CD3E: variants seen among roughly 807,000 people sequenced by gnomAD.
CD3E encodes the protein CD3 epsilon subunit of T-cell receptor complex, also known as T-cell surface glycoprotein CD3 epsilon chain.
In CD3E, 16 loss-of-function variants were observed where a neutral mutation model predicts 34.7. That is an observed-to-expected ratio of 0.46 (90% CI 0.31 to 0.70). CD3E has a LOEUF of 0.70. Ranked by LOEUF, CD3E falls within the 30% of genes least tolerant of loss-of-function variation. The pLI, the probability that CD3E is intolerant of heterozygous loss-of-function variation, is 0.05. For synonymous variants in CD3E, 70 were observed against 90.8 expected (o/e 0.77, Z 1.30); for missense variants, 223 against 253.9 (o/e 0.88, Z 0.83).
chr11:118,313,186 C>T, intron 6 of CD3E: 1 of 405,848 alleles, frequency 2.5e-6, no homozygotes, highest in Non-Finnish European at 4.6e-6. Context: ...TCTAATGCTT[C>T]CTCCAGAGAT....
chr11:118,314,346 C>G, intron 7 of CD3E, 102 bp from the exon 8 acceptor site: 2 of 935,576 alleles, frequency 2.1e-6, no homozygotes, highest in Non-Finnish European at 1.7e-6. Context: ...GAGGAGAGAA[C>G]AATGGGGTTT....
chr11:118,308,558 T>G (rs1379964864), intron 4 of CD3E, 117 bp downstream of exon 4: 1 of 736,598 alleles, frequency 1.4e-6, no homozygotes, highest in South Asian at 1.5e-5. Context: ...AAAATACAAG[T>G]ATCTTTCAAT....
At chr11:118,309,090 G>A (rs1948122392) in intron 4 of CD3E, among the ~76,000 whole-genome samples, 1 of 152,198 alleles carries the variant, frequency 6.6e-6, no homozygotes, top group African/African-American at 2.4e-5. Flanking sequence ...GTCTAACTGA[G>A]CTAGATCAGA....
chr11:118,315,830 C>A lies in CD3E; in HGVS notation c.*288C>A. 1.8e-6 allele frequency: 1 copy of A among 555,470 alleles called. No homozygotes were observed. Among genetic ancestry groups the A allele is most frequent in the Non-Finnish European group, 3.2e-6 (1 of 310,020 alleles). The allele number at this position is 555,470 out of a possible 1,614,324, so 34.4% of individuals were successfully genotyped here. ...GATATTTATTTGTGCTATTCACTCC[C>A]TTCCCTTTGGATGTAACTTCTCCGT... On this transcript the variant is annotated 3_prime_UTR_variant, in exon 9 of 9. Coordinates refer to ENST00000361763, the MANE Select transcript of CD3E (RefSeq NM_000733.4).
At position 118,308,229 on chromosome 11, in the gene CD3E, T is replaced by A. The variant is rs535594733; in HGVS notation, c.71-198T>A. Among the ~76,000 whole-genome samples, 5 of 152,290 alleles carry A rather than the reference T, an allele frequency of 3.3e-5. No homozygotes were observed. The South Asian group carries it at 1.0e-3, about 32-fold the overall frequency. On this transcript the variant is annotated intron_variant, in intron 3 of 8. Transcript: ENST00000361763. ...TTCCGCCATGCTGCCTAATTTGTAG[T>A]GTCCTTAGGAGCCATTTTTGTAAAT...
In CD3E at chr11:118,304,964, C is replaced by A. The variant is rs997765159; in HGVS notation, c.12C>A (p.Gly4=). 1 of 1,613,994 alleles carries A rather than the reference C, an allele frequency of 6.2e-7. No individual in the cohort carries two copies. Among genetic ancestry groups the A allele is most frequent in the Non-Finnish European group, 8.5e-7 (1 of 1,179,860 alleles). The change falls in exon 2 of 9, where the codon GGC becomes GGA. Residue 4 remains glycine (G), a synonymous_variant. Transcript: ENST00000361763. ...CCCATGAAACAAAGATGCAGTCGGG[C>A]ACTCACTGGAGAGTTCTGGGCCTCT... is the stretch of plus-strand genomic sequence containing the variant. MQS[G]THWRVLGLCL...
intron 5 of CD3E, 101 bp from the exon 6 acceptor site, chr11:118,312,517 T>A (rs987643444): frequency 1.5e-6 from 2 of 1,353,786 alleles, no homozygotes; most frequent in Non-Finnish European, 2.1e-6. Flanking sequence ...AAGATCTAGA[T>A]GACAGATGAC....
chr11:118,304,862 T>A, intron 1 of CD3E, 32 bp from the exon 2 acceptor site: 1 of 1,135,988 alleles, frequency 8.8e-7, no homozygotes, highest in African/African-American at 1.5e-5. Flanking sequence ...GCAGATGTTT[T>A]GAAAAAGTCA....
intron 7 of CD3E, 142 bp from the exon 8 acceptor site, chr11:118,314,306 A>G (rs1345989145): frequency 8.3e-6 from 6 of 721,540 alleles, no homozygotes; most frequent in East Asian, 8.1e-5. Context: ...AAAAAAGAGA[A>G]AGGACGTCTG....
In CD3E at chr11:118,307,388, G is replaced by A. The variant is rs530895571; in HGVS notation, c.70+80G>A. 46 of 1,270,284 alleles carry A rather than the reference G, an allele frequency of 3.6e-5. No homozygotes were observed. The African/African-American group carries it at 5.7e-4, about 16-fold the overall frequency. The allele number at this position is 1,270,284 out of a possible 1,614,324, so 78.7% of individuals were successfully genotyped here. ...AGTTATGAATGGAGCTTTCTCTTAG[G>A]CCTCCCACAGAACTTCCACAGAGGT... On this transcript the variant is annotated intron_variant, in intron 3 of 8. Transcript: ENST00000361763.
chr11:118,310,605 A>G (rs1948130568), intron 4 of CD3E, among the ~76,000 whole-genome samples: 1 of 152,218 alleles, frequency 6.6e-6, no homozygotes, highest in Admixed American at 6.5e-5. Context: ...ATTTCTGTCT[A>G]AGCACAGACA....
At chr11:118,312,500 C>G in intron 5 of CD3E, 118 bp from the exon 6 acceptor site, 1 of 1,202,046 alleles carries the variant, frequency 8.3e-7, no homozygotes, top group South Asian at 1.3e-5. Flanking sequence ...TTCTGACAAG[C>G]AAGTCTAAGA....
intron 3 of CD3E, among the ~76,000 whole-genome samples, chr11:118,308,043 C>T (rs1170941788): frequency 2.6e-5 from 4 of 152,148 alleles, no homozygotes; most frequent in Non-Finnish European, 5.9e-5. Flanking sequence ...GTGGTGTACG[C>T]CTGTAGTCCT....
At chr11:118,307,350 C>A in intron 3 of CD3E, 42 bp downstream of exon 3, 1 of 1,567,204 alleles carries the variant, frequency 6.4e-7, no homozygotes, top group South Asian at 1.1e-5. Context: ...GAAATCACCC[C>A]ATCATTCTTT....
At chr11:118,308,358 C>T (rs969956053) in intron 3 of CD3E, 69 bp from the exon 4 acceptor site, 19 of 1,194,336 alleles carry the variant, frequency 1.6e-5, no homozygotes, top group African/African-American at 5.9e-5. Flanking sequence ...TCCCAACCCA[C>T]GGGAGCAGGG....
chr11:118,305,610 G>A (rs1389191757), intron 2 of CD3E, among the ~76,000 whole-genome samples: 1 of 152,144 alleles, frequency 6.6e-6, no homozygotes, highest in Non-Finnish European at 1.5e-5. Context: ...ATTTAGACGT[G>A]TTAACTGGTT....
chr11:118,305,118 T>C (rs1948098676), intron 2 of CD3E, 117 bp downstream of exon 2: 3 of 978,030 alleles, frequency 3.1e-6, no homozygotes, highest in Admixed American at 3.4e-5. Flanking sequence ...TAAGGAACTG[T>C]TTGTGCTATG....
rs191114272 is a variant in CD3E at position 118,305,042 on chromosome 11, C to T, written c.49+41C>T. 26 of 1,578,262 alleles carry T rather than the reference C, an allele frequency of 1.6e-5. No homozygotes were observed. In the African/African-American group the frequency reaches 1.9e-4, roughly 11 times the overall value. On this transcript the variant is annotated intron_variant, in intron 2 of 8. Transcript: ENST00000361763. ...TGGAAAGGGTGGTGTGTCTCCAGAC[C>T]GCTGGAAGGCTTACAGCCTTACCTG...
In CD3E at chr11:118,314,185, G is replaced by C. The variant is rs143712417; in HGVS notation, c.521-263G>C. 1.5e-3 allele frequency among the ~76,000 whole-genome samples: 235 copies of C among 152,266 alleles called. 1 individual carries two copies. Among genetic ancestry groups the C allele is most frequent in the African/African-American group, 5.3e-3 (219 of 41,534 alleles). On this transcript the variant is annotated intron_variant, in intron 7 of 8. Coordinates refer to ENST00000361763, the MANE Select transcript of CD3E (RefSeq NM_000733.4). ...GAGAGACTTTGATATATTAGCTCCT[G>C]CCTTTTCCTTTCCCTTCCCCTATGG...
Sources: allele counts gnomAD v4.1 joint callset (sites outside exome capture counted in the v4.1 genomes callset), GRCh38; gene constraint gnomAD v4.1.1; transcripts MANE v1.5; gene names NCBI Gene and HGNC (gene_info 2026-07-23, HGNC 2026-07-21).